The following C12orf54 variants were observed in gnomAD, a reference collection of about 807,000 sequenced individuals.
C12orf54 encodes the protein chromosome 12 open reading frame 54, also known as uncharacterized protein C12orf54.
C12orf54 carries 24 observed loss-of-function variants against 26.4 expected under a neutral mutation model. The observed-to-expected ratio is 0.91, with a 90% CI of 0.66 to 1.28. The LOEUF (loss-of-function observed/expected upper bound fraction) is 1.28, where lower values mean the gene tolerates loss of function less well. Ranked by LOEUF, C12orf54 falls within the 50% of genes most tolerant of loss-of-function variation. C12orf54 has a pLI of 0.00. For missense variants in C12orf54, 154 were observed against 150.9 expected (o/e 1.02, Z -0.11); for synonymous variants, 54 against 47.0 (o/e 1.15, Z -0.61).
At chr12:48,414,696 T>C in the C12orf54 span, among the ~76,000 whole-genome samples, 2 of 152,198 alleles carry the variant, frequency 1.3e-5, no homozygotes, top group Non-Finnish European at 2.9e-5. Flanking sequence ...TGGGGATTAA[T>C]CTATACTCAT....
chr12:48,486,479 C>T, intron 3 of C12orf54: 1 of 632,494 alleles, frequency 1.6e-6, no homozygotes, highest in Non-Finnish European at 2.8e-6. Flanking sequence ...TGTCATGCAC[C>T]AGCTAGATCC....
At chr12:48,446,747 T>C in the C12orf54 span, among the ~76,000 whole-genome samples, 2 of 152,340 alleles carry the variant, frequency 1.3e-5, no homozygotes, top group Non-Finnish European at 1.5e-5. Flanking sequence ...TTATTATACA[T>C]ATGCTGTTAT....
At chr12:48,489,263 T>A (rs935444676) in intron 5 of C12orf54, 1 of 549,212 alleles carries the variant, frequency 1.8e-6, no homozygotes, top group Non-Finnish European at 3.5e-6. Flanking sequence ...CTGGGGAGAA[T>A]CCCCTAGTGA....
At chr12:48,490,699 C>T in intron 5 of C12orf54, 113 bp from the exon 6 acceptor site, 1 of 1,214,258 alleles carries the variant, frequency 8.2e-7, no homozygotes, top group Admixed American at 2.0e-5. Flanking sequence ...CCAAGAAGCC[C>T]ATATTTTCCC....
the C12orf54 span, among the ~76,000 whole-genome samples, chr12:48,420,253 C>T: frequency 0.017 from 2,548 of 152,262 alleles, 68 homozygotes; most frequent in African/African-American, 0.059. Context: ...CCTTGCATTC[C>T]TTGGGGTTCA....
chr12:48,429,184 A>G, the C12orf54 span, among the ~76,000 whole-genome samples: 1 of 152,208 alleles, frequency 6.6e-6, no homozygotes, highest in Non-Finnish European at 1.5e-5. Flanking sequence ...AATAAAAGCC[A>G]TCTATGAAAA....
the C12orf54 span, among the ~76,000 whole-genome samples, chr12:48,422,942 T>C: frequency 2.6e-5 from 4 of 152,134 alleles, no homozygotes; most frequent in African/African-American, 7.2e-5. Flanking sequence ...AGCTAATACA[T>C]TTGGTAAAGA....
the C12orf54 span, among the ~76,000 whole-genome samples, chr12:48,467,710 A>G: frequency 6.6e-6 from 1 of 152,108 alleles, no homozygotes; most frequent in Non-Finnish European, 1.5e-5. Context: ...GAATTCATGG[A>G]TATTTTCATT....
At chr12:48,451,903 T>G in the C12orf54 span, among the ~76,000 whole-genome samples, 1 of 152,208 alleles carries the variant, frequency 6.6e-6, no homozygotes, top group African/African-American at 2.4e-5. Flanking sequence ...AAAATGGCCA[T>G]ACTGTCCAAA....
At chr12:48,473,133 A>G in the C12orf54 span, 1 of 1,604,248 alleles carries the variant, frequency 6.2e-7, no homozygotes, top group African/African-American at 1.3e-5. Flanking sequence ...GGAGGCCCCT[A>G]ACTCGGATGG....
chr12:48,428,689 C>T, the C12orf54 span, among the ~76,000 whole-genome samples: 3 of 151,788 alleles, frequency 2.0e-5, no homozygotes, highest in African/African-American at 4.8e-5. Flanking sequence ...AAATTACCAA[C>T]GAAAAATAGT....
chr12:48,472,922 G>C, the C12orf54 span: 1 of 1,614,164 alleles, frequency 6.2e-7, no homozygotes, highest in Non-Finnish European at 8.5e-7. Context: ...TGGCAGAAAA[G>C]TGTCCAAACC....
chr12:48,427,966 A>G, the C12orf54 span, among the ~76,000 whole-genome samples: 1 of 152,072 alleles, frequency 6.6e-6, no homozygotes, highest in African/African-American at 2.4e-5. Context: ...AATTATATCA[A>G]ACTCTCTCTC....
chr12:48,429,273 A>G, the C12orf54 span, among the ~76,000 whole-genome samples: 1 of 152,004 alleles, frequency 6.6e-6, no homozygotes, highest in South Asian at 2.1e-4. Context: ...AAGGATGCCC[A>G]CTCTCACCAC....
the C12orf54 span, among the ~76,000 whole-genome samples, chr12:48,433,310 G>C: frequency 6.6e-6 from 1 of 152,218 alleles, no homozygotes; most frequent in South Asian, 2.1e-4. Context: ...ACCTTTGCAT[G>C]ATAGGCGATT....
the C12orf54 span, among the ~76,000 whole-genome samples, chr12:48,457,534 A>G: frequency 6.6e-6 from 1 of 151,854 alleles, no homozygotes. Context: ...GGTTTTCACC[A>G]TGTTGGTCAG....
the C12orf54 span, among the ~76,000 whole-genome samples, chr12:48,444,102 G>T: frequency 4.6e-5 from 7 of 152,322 alleles, no homozygotes; most frequent in African/African-American, 1.7e-4. Context: ...ATTCCTGTTG[G>T]ATATAGATCT....
the C12orf54 span, among the ~76,000 whole-genome samples, chr12:48,469,819 G>T: frequency 6.6e-6 from 1 of 152,082 alleles, no homozygotes; most frequent in African/African-American, 2.4e-5. Flanking sequence ...CAGTCCCTCT[G>T]TTTGGGGTCC....
the C12orf54 span, among the ~76,000 whole-genome samples, chr12:48,452,861 C>CA: frequency 2.0e-5 from 3 of 151,766 alleles, no homozygotes; most frequent in Admixed American, 6.6e-5. Flanking sequence ...AAGATTGTGG[C>CA]AAAAAAGAAA....
Sources: gnomAD v4.1 joint callset for allele counts (sites outside exome capture counted in the v4.1 genomes callset) on GRCh38, gnomAD v4.1.1 for gene constraint, MANE v1.5 for transcripts, NCBI Gene and HGNC (gene_info 2026-07-23, HGNC 2026-07-21) for gene names.